RUNX1: variants seen among roughly 807,000 people sequenced by gnomAD.
The protein encoded by RUNX1 is RUNX family transcription factor 1, also known as runt-related transcription factor 1.
RUNX1 carries 19 observed loss-of-function variants against 42.8 expected under a neutral mutation model. The ratio of observed to expected loss-of-function variants is 0.44; its 90% CI spans 0.31 to 0.65. The LOEUF (loss-of-function observed/expected upper bound fraction) is 0.65. RUNX1 is among the 30% of genes least tolerant of loss of function. The pLI, the probability that RUNX1 is intolerant of heterozygous loss-of-function variation, is 0.07. For missense variants in RUNX1, 528 were observed against 672.0 expected, an observed-to-expected ratio of 0.79 and a Z score of 2.37; for synonymous variants, 271 against 289.4, an observed-to-expected ratio of 0.94 and a Z score of 0.64.
intron 4 of RUNX1, 116 bp from the exon 5 acceptor site, chr21:34,880,829 G>T: frequency 9.2e-7 from 1 of 1,083,132 alleles, no homozygotes; most frequent in Non-Finnish European, 1.4e-6. Flanking sequence ...TTCTTTTTAG[G>T]TTGCAGAGGA....
rs2058979709 is a variant in RUNX1 at position 34,994,670 on chromosome 21, A to G, written c.58+54172T>C. Among the ~76,000 whole-genome samples the G allele has an allele frequency of 2.6e-5, 4 of 152,292 alleles. No homozygotes were observed. The South Asian group carries it at 8.3e-4, about 32-fold the overall frequency. ...TTACGGGTACTACGTACCCGTAAAA[A>G]TTGAAAATTAAAAAGAAAAATAAAT... On this transcript the variant is annotated intron_variant, in intron 2 of 8. Coordinates refer to ENST00000675419, the MANE Select transcript of RUNX1 (RefSeq NM_001754.5).
chr21:34,840,309 G>T (rs970513862), intron 6 of RUNX1, among the ~76,000 whole-genome samples: 6 of 152,164 alleles, frequency 3.9e-5, no homozygotes, highest in African/African-American at 1.4e-4. Context: ...CTCCCCTCTA[G>T]AGAAACAACA....
At chr21:34,819,995 T>C (rs991902814) in intron 7 of RUNX1, among the ~76,000 whole-genome samples, 1 of 152,254 alleles carries the variant, frequency 6.6e-6, no homozygotes, top group African/African-American at 2.4e-5. Context: ...GAAATCCTTT[T>C]GTAGCTGCTT....
At chr21:34,974,947 C>A (rs992775092) in intron 2 of RUNX1, among the ~76,000 whole-genome samples, 6 of 152,082 alleles carry the variant, frequency 3.9e-5, no homozygotes, top group African/African-American at 1.4e-4. Flanking sequence ...TTATTAAGTT[C>A]TCACCGTATT....
At chr21:35,020,914 G>A (rs1238553363) in intron 2 of RUNX1, among the ~76,000 whole-genome samples, 1 of 152,172 alleles carries the variant, frequency 6.6e-6, no homozygotes, top group Non-Finnish European at 1.5e-5. Context: ...CAGTAGCTTT[G>A]AGAAGGGGAA....
intron 2 of RUNX1, among the ~76,000 whole-genome samples, chr21:34,955,248 G>C (rs1424158469): frequency 2.0e-5 from 3 of 151,258 alleles, no homozygotes; most frequent in Non-Finnish European, 4.4e-5. Context: ...TTTTTTTAAA[G>C]TTATCCAGGG....
intron 2 of RUNX1, among the ~76,000 whole-genome samples, chr21:34,960,153 C>T (rs1010708746): frequency 1.3e-5 from 2 of 152,164 alleles, no homozygotes; most frequent in Non-Finnish European, 2.9e-5. Context: ...TTTCCAGGAA[C>T]ACAGCTGTTC....
intron 2 of RUNX1, among the ~76,000 whole-genome samples, chr21:34,952,046 C>G (rs1569121456): frequency 6.6e-6 from 1 of 152,090 alleles, no homozygotes; most frequent in Non-Finnish European, 1.5e-5. Context: ...ACTATGCAGT[C>G]ATAAAAAGGA....
At chr21:34,894,305 A>G (rs560832384) in intron 2 of RUNX1, among the ~76,000 whole-genome samples, 1 of 152,094 alleles carries the variant, frequency 6.6e-6, no homozygotes, top group East Asian at 1.9e-4. Context: ...GAGCAAGAAA[A>G]CACAAGTTCA....
chr21:34,810,983 T>C (rs978265539), intron 7 of RUNX1, among the ~76,000 whole-genome samples: 2 of 152,186 alleles, frequency 1.3e-5, no homozygotes, highest in Admixed American at 1.3e-4. Context: ...CCCTTCCTCC[T>C]GCAGAGCAGC....
At chr21:34,978,650 C>A (rs17227161) in intron 2 of RUNX1, among the ~76,000 whole-genome samples, 2 of 152,026 alleles carry the variant, frequency 1.3e-5, no homozygotes, top group East Asian at 1.9e-4. Flanking sequence ...TTAAAAAGCA[C>A]GAAACTTTTC....
At chr21:34,867,871 T>A (rs568585169) in intron 5 of RUNX1, among the ~76,000 whole-genome samples, 105 of 152,262 alleles carry the variant, frequency 6.9e-4, no homozygotes, top group Middle Eastern at 3.4e-3. Flanking sequence ...CAGTCTTCAC[T>A]CATCCATCAG....
chr21:34,928,124 T>G (rs907711923), intron 2 of RUNX1, among the ~76,000 whole-genome samples: 1 of 152,302 alleles, frequency 6.6e-6, no homozygotes. Context: ...AAATTTAAGC[T>G]AATATCACTT....
At chr21:34,814,218 C>T (rs149627375) in intron 7 of RUNX1, among the ~76,000 whole-genome samples, 1 of 152,276 alleles carries the variant, frequency 6.6e-6, no homozygotes, top group East Asian at 1.9e-4. Context: ...CCCCAAATCT[C>T]AAATAAAAGT....
At chr21:35,048,116 A>G (rs2059414182) in intron 2 of RUNX1, among the ~76,000 whole-genome samples, 1 of 152,166 alleles carries the variant, frequency 6.6e-6, no homozygotes, top group Non-Finnish European at 1.5e-5. Context: ...AACTCGGGAA[A>G]CTTCTCTATT....
At chr21:34,921,618 A>T (rs1258771661) in intron 2 of RUNX1, among the ~76,000 whole-genome samples, 1 of 137,826 alleles carries the variant, frequency 7.3e-6, no homozygotes, top group Non-Finnish European at 1.6e-5. Flanking sequence ...ATTCTTATTC[A>T]CTCTATTGAC....
At chr21:34,941,758 G>A (rs1297544704) in intron 2 of RUNX1, among the ~76,000 whole-genome samples, 1 of 151,946 alleles carries the variant, frequency 6.6e-6, no homozygotes, top group Non-Finnish European at 1.5e-5. Flanking sequence ...TTAATGGTAT[G>A]GAAGGCTGAA....
chr21:35,043,690 C>A (rs1039179192), intron 2 of RUNX1, among the ~76,000 whole-genome samples: 2 of 152,138 alleles, frequency 1.3e-5, no homozygotes, highest in Non-Finnish European at 2.9e-5. Context: ...AAATGAGACA[C>A]AAAGACATCT....
intron 2 of RUNX1, among the ~76,000 whole-genome samples, chr21:34,975,218 C>T (rs2146764300): frequency 6.6e-6 from 1 of 152,366 alleles, no homozygotes; most frequent in South Asian, 2.1e-4. Flanking sequence ...ACCTACAAAT[C>T]AGACCGAAGT....
Sources: gnomAD v4.1 joint callset for allele counts (sites outside exome capture counted in the v4.1 genomes callset) on GRCh38, gnomAD v4.1.1 for gene constraint, MANE v1.5 for transcripts, NCBI Gene and HGNC (gene_info 2026-07-23, HGNC 2026-07-21) for gene names.